Variants in OTUD7A observed in about 807,000 individuals in gnomAD.
OTUD7A encodes the protein OTU deubiquitinase 7A.
A neutral mutation model predicts 65.7 loss-of-function variants in OTUD7A; 12 were observed. The observed-to-expected ratio is 0.18, with a 90% CI of 0.12 to 0.30. OTUD7A has a LOEUF of 0.30. Among genes scored for constraint, OTUD7A ranks in the 10% least tolerant of loss-of-function variants. The pLI, the probability that OTUD7A is intolerant of heterozygous loss-of-function variation, is 1.00. For missense variants in OTUD7A, 1,148 were observed against 1,304.8 expected, an observed-to-expected ratio of 0.88 and a Z score of 1.85; for synonymous variants, 641 against 586.3, an observed-to-expected ratio of 1.09 and a Z score of -1.35.
chr15:31,513,417 G>T (rs139544281), intron 8 of OTUD7A, among the ~76,000 whole-genome samples: 1 of 152,172 alleles, frequency 6.6e-6, no homozygotes, highest in African/African-American at 2.4e-5. Context: ...CAGACCCCAC[G>T]TGTGTGTGCC....
Position 31,484,480 on chromosome 15 carries a change from A to T in OTUD7A, c.1616T>A (p.Met539Lys). ...GTGCACCAGGCCGCCGAGGCCGCCCATGTTTTTCTTCAGCTTGATGCCCAG... is the reference window on the plus strand; with the variant it reads ...GTGCACCAGGCCGCCGAGGCCGCCCTTGTTTTTCTTCAGCTTGATGCCCAG... ...KTLGIKLKKN[M>K]GGLGGLVHGK... The change falls in exon 13 of 13, where the codon ATG becomes AAG. Residue 539 changes from methionine to lysine, a missense_variant. Met to Lys is a moderately conservative substitution (Grantham distance 95, BLOSUM62 -1). Transcript: ENST00000307050. The surrounding 1 kb of genome is among the most constrained non-coding windows in gnomAD (Gnocchi z 4.5). 1 of 1,607,488 alleles carries T rather than the reference A, an allele frequency of 6.2e-7. No homozygotes were observed. The highest frequency in any genetic ancestry group is 8.5e-7 in the Non-Finnish European group (1 of 1,179,918).
At chr15:31,850,935 G>A (rs144744188) in intron 1 of OTUD7A, among the ~76,000 whole-genome samples, 15 of 152,272 alleles carry the variant, frequency 9.9e-5, no homozygotes, top group African/African-American at 3.4e-4. Flanking sequence ...AGAGCCAACA[G>A]ACACAGAAAC....
At chr15:31,553,743 GTC>G (rs939715472) in intron 5 of OTUD7A, among the ~76,000 whole-genome samples, 3 of 151,900 alleles carry the variant, frequency 2.0e-5, no homozygotes, top group African/African-American at 7.3e-5. Flanking sequence ...CCATAGCCGT[GTC>G]TCTCTACTGC....
At chr15:31,508,902 C>T (rs555056597) in intron 8 of OTUD7A, among the ~76,000 whole-genome samples, 2 of 152,388 alleles carry the variant, frequency 1.3e-5, no homozygotes, top group East Asian at 1.9e-4. Context: ...ACCGCCCCTG[C>T]GCGTTGTGGC....
At chr15:31,579,922 T>C (rs1317225455) in intron 3 of OTUD7A, among the ~76,000 whole-genome samples, 1 of 152,196 alleles carries the variant, frequency 6.6e-6, no homozygotes, top group South Asian at 2.1e-4. Flanking sequence ...TCCTAAATAA[T>C]GTAGGGAAAA....
At chr15:31,869,353 T>TGGAGGA (rs144219126) in intron 1 of OTUD7A, among the ~76,000 whole-genome samples, 1 of 152,084 alleles carries the variant, frequency 6.6e-6, no homozygotes, top group Non-Finnish European at 1.5e-5. Context: ...GGGCACACCC[T>TGGAGGA]GGAGGAGGAG....
rs145146932 is a variant in OTUD7A at position 31,643,748 on chromosome 15, A to G, written c.151+11348T>C. 7.9e-5 allele frequency among the ~76,000 whole-genome samples: 12 copies of G among 152,300 alleles called. No homozygotes were observed. In the East Asian group the frequency reaches 2.3e-3, roughly 29 times the overall value. ...GTGCTGGACAAGTTTATATTTCTAT[A>G]AATATTATTGAGCTTTGTTGTAGAA... On this transcript the variant is annotated intron_variant, in intron 3 of 12. Transcript: ENST00000307050.
At chr15:31,848,441 T>G (rs1224835272) in intron 1 of OTUD7A, among the ~76,000 whole-genome samples, 2 of 151,050 alleles carry the variant, frequency 1.3e-5, no homozygotes, top group African/African-American at 4.9e-5. Flanking sequence ...AAAACTGTGC[T>G]TTTTATTTTT....
At chr15:31,724,889 G>A (rs1413758087) in intron 1 of OTUD7A, among the ~76,000 whole-genome samples, 2 of 152,044 alleles carry the variant, frequency 1.3e-5, no homozygotes, top group Admixed American at 6.6e-5. Context: ...CAAGAGAGGG[G>A]CAGGGGTGGG....
chr15:31,703,869 A>C (rs1262678759), intron 1 of OTUD7A, among the ~76,000 whole-genome samples: 2 of 150,762 alleles, frequency 1.3e-5, no homozygotes, highest in African/African-American at 4.8e-5. Context: ...ATACCATGAA[A>C]TACTACTCAG....
At chr15:31,522,221 A>T (rs1337469609) in intron 8 of OTUD7A, among the ~76,000 whole-genome samples, 1 of 152,200 alleles carries the variant, frequency 6.6e-6, no homozygotes, top group Non-Finnish European at 1.5e-5. Context: ...CAGAAAGCAG[A>T]GGGCTTTCAC....
At chr15:31,764,179 C>T (rs1895043728) in intron 1 of OTUD7A, among the ~76,000 whole-genome samples, 1 of 152,054 alleles carries the variant, frequency 6.6e-6, no homozygotes, top group South Asian at 2.1e-4. Context: ...TCTCAATTTG[C>T]AACATAATCC....
At position 31,481,123 on chromosome 15, in the gene OTUD7A, A is replaced by C. The variant is rs367981543; in HGVS notation, c.*2171T>G. The C allele has an allele frequency of 6.6e-6, 1 of 152,362 alleles. No homozygotes were observed. Among genetic ancestry groups the C allele is most frequent in the African/African-American group, 2.4e-5 (1 of 41,586 alleles). The allele number at this position is 152,362 out of a possible 1,614,324, so 9.4% of individuals were successfully genotyped here. On this transcript the variant is annotated 3_prime_UTR_variant, in exon 13 of 13. Coordinates refer to ENST00000307050, the MANE Select transcript of OTUD7A (RefSeq NM_001382637.1). Reference sequence around the variant, plus strand: ...ATAGCGTGAGAAAGAAAATATCTGAATTAGCATAGCCAGTTTTAGAAATTT... The same window carrying C: ...ATAGCGTGAGAAAGAAAATATCTGACTTAGCATAGCCAGTTTTAGAAATTT...
In OTUD7A at chr15:31,491,639, C is replaced by A. The variant is rs141288383; in HGVS notation, c.1172-4073G>T. Among the ~76,000 whole-genome samples the A allele has an allele frequency of 1.8e-3, 276 of 152,194 alleles. 1 individual carries two copies. Among genetic ancestry groups the A allele is most frequent in the Non-Finnish European group, 3.5e-3 (240 of 67,990 alleles). ...TCAAAATTAATGACAACCATCAACA[C>A]AGATCTAAGAAACTAAGAGAACATC... On this transcript the variant is annotated intron_variant, in intron 10 of 12. Transcript: ENST00000307050.
At chr15:31,625,629 A>G (rs921881316) in intron 3 of OTUD7A, among the ~76,000 whole-genome samples, 2 of 152,174 alleles carry the variant, frequency 1.3e-5, no homozygotes, top group Admixed American at 1.3e-4. Context: ...AGCTACATCT[A>G]CCTGGGATCC....
chr15:31,553,633 T>G (rs998866709), intron 5 of OTUD7A, among the ~76,000 whole-genome samples: 1 of 151,796 alleles, frequency 6.6e-6, no homozygotes, highest in Non-Finnish European at 1.5e-5. Context: ...TACCCCCATA[T>G]TCAGGGTAAC....
At chr15:31,496,914 T>C (rs1261019044) in intron 10 of OTUD7A, among the ~76,000 whole-genome samples, 5 of 152,216 alleles carry the variant, frequency 3.3e-5, no homozygotes, top group African/African-American at 1.2e-4. Context: ...AACTTTTTTT[T>C]TTTCAAGTAT....
intron 1 of OTUD7A, among the ~76,000 whole-genome samples, chr15:31,773,553 A>G (rs1219590512): frequency 6.6e-6 from 1 of 152,206 alleles, no homozygotes; most frequent in Non-Finnish European, 1.5e-5. Context: ...TCACCTTCTA[A>G]TATCATCACC....
At chr15:31,628,700 C>T (rs891522746) in intron 3 of OTUD7A, among the ~76,000 whole-genome samples, 22 of 152,028 alleles carry the variant, frequency 1.4e-4, no homozygotes, top group Non-Finnish European at 2.2e-4. Flanking sequence ...GCCATTTTCA[C>T]GATATTGATT....
Sources: gnomAD v4.1 joint callset for allele counts (sites outside exome capture counted in the v4.1 genomes callset) on GRCh38, gnomAD v4.1.1 for gene constraint, Gnocchi (gnomAD v3.1) non-coding constraint, MANE v1.5 for transcripts, NCBI Gene and HGNC (gene_info 2026-07-23, HGNC 2026-07-21) for gene names.